The following ANKRD18B variants were observed in gnomAD, a reference collection of about 807,000 sequenced individuals.
ANKRD18B encodes the protein ankyrin repeat domain-containing protein 18B.
ANKRD18B carries 75 observed loss-of-function variants against 111.8 expected under a neutral mutation model. The observed-to-expected ratio is 0.67, with a 90% confidence interval of 0.56 to 0.81. ANKRD18B has a LOEUF of 0.81. ANKRD18B is among the 40% of genes least tolerant of loss of function. ANKRD18B has a pLI of 0.00. For missense variants in ANKRD18B, 1,038 were observed against 1,225.5 expected, an observed-to-expected ratio of 0.85 and a Z score of 2.28; for synonymous variants, 356 against 417.3, an observed-to-expected ratio of 0.85 and a Z score of 1.79.
chr9:33,563,817 A>T (rs945915796), intron 14 of ANKRD18B, among the ~76,000 whole-genome samples: 3 of 152,046 alleles, frequency 2.0e-5, no homozygotes, highest in Non-Finnish European at 1.5e-5. Flanking sequence ...GCTTTTTAAA[A>T]ATATTCAATA....
At chr9:33,553,715 G>C (rs911728544) in intron 12 of ANKRD18B, among the ~76,000 whole-genome samples, 1 of 152,136 alleles carries the variant, frequency 6.6e-6, no homozygotes, top group African/African-American at 2.4e-5. Context: ...CTATGGAAAA[G>C]GAAATTCTTT....
intron 8 of ANKRD18B, among the ~76,000 whole-genome samples, chr9:33,540,466 G>C (rs886268979): frequency 6.6e-6 from 1 of 152,228 alleles, no homozygotes; most frequent in African/African-American, 2.4e-5. Context: ...TTGAAGCTGA[G>C]GAGGGGTATT....
chr9:33,548,519 T>C lies in ANKRD18B; in HGVS notation c.1731T>C (p.Ser577=), dbSNP rs753633700. The C allele has an allele frequency of 2.6e-6, 4 of 1,551,014 alleles. No individual in the cohort carries two copies. In the South Asian group the frequency reaches 3.6e-5, roughly 14 times the overall value. ...GGGAAAAGACATTGGCTTTAGAAAG[T>C]GTACAGCTGGACCTAAAGCAAGCGC... ...ALREKTLALE[S]VQLDLKQAQH... is the part of the protein sequence containing the mutation. The change falls in exon 11 of 19, where the codon AGT becomes AGC. Residue 577 remains serine, a synonymous_variant. Transcript: ENST00000684830.
At chr9:33,573,178 A>C (rs1828808650), downstream of ANKRD18B, 8 of 985,320 alleles carry the variant, frequency 8.1e-6, no homozygotes, top group Non-Finnish European at 9.6e-6. Flanking sequence ...CCCTAGAATG[A>C]GTAATTTTTC....
intron 14 of ANKRD18B, among the ~76,000 whole-genome samples, chr9:33,562,424 C>T (rs1052694927): frequency 5.9e-5 from 9 of 152,014 alleles, no homozygotes; most frequent in African/African-American, 2.2e-4. Flanking sequence ...TCAGAAACCA[C>T]GGTTTCTGTA....
rs180756744 is a variant in ANKRD18B, at chr9:33,531,305, G to A, written c.495+2132G>A. Among the ~76,000 whole-genome samples, 1,134 of 152,068 alleles carry A rather than the reference G, an allele frequency of 7.5e-3. 13 individuals are homozygous for A. The highest frequency in any genetic ancestry group is 0.025 in the African/African-American group (1,057 of 41,474). ...GCCTGAGTTTTTTTATTAAACATAC[G>A]ATACTAGACAGAGAAAAAGTTCCAC... On this transcript the variant is annotated intron_variant, in intron 3 of 18. Coordinates refer to ENST00000684830, the MANE Select transcript of ANKRD18B (RefSeq NM_001393611.1).
intron 10 of ANKRD18B, among the ~76,000 whole-genome samples, chr9:33,547,307 G>A (rs1428987124): frequency 4.6e-5 from 7 of 152,074 alleles, no homozygotes; most frequent in African/African-American, 7.2e-5. Flanking sequence ...TTTTTAACCT[G>A]TCTTTTTTAA....
intron 14 of ANKRD18B, among the ~76,000 whole-genome samples, chr9:33,564,618 A>C (rs1008736868): frequency 6.6e-6 from 1 of 152,182 alleles, no homozygotes; most frequent in Non-Finnish European, 1.5e-5. Context: ...AGAAAACTTC[A>C]TATTGTTTTC....
chr9:33,568,353 A>G (rs1425476618), intron 16 of ANKRD18B, among the ~76,000 whole-genome samples: 1 of 152,208 alleles, frequency 6.6e-6, no homozygotes, highest in East Asian at 1.9e-4. Flanking sequence ...GAATCTTTAG[A>G]ATCTTATAAG....
Position 33,550,727 on chromosome 9 carries a change from G to A in ANKRD18B, c.2217+148G>A, listed in dbSNP as rs138395596. On this transcript the variant is annotated intron_variant, in intron 12 of 18. Coordinates refer to ENST00000684830, the MANE Select transcript of ANKRD18B (RefSeq NM_001393611.1). The stretch of plus-strand genomic sequence containing the variant: ...ATTACCATTTTATTATCTTTATAAC[G>A]TACTTCTTCAACTCTGGCTCTTGTT... The A allele has an allele frequency of 7.7e-4, 664 of 862,694 alleles. 2 individuals are homozygous for A. In the African/African-American group the frequency reaches 1.0e-2, roughly 13 times the overall value. The allele number at this position is 862,694 out of a possible 1,614,324, so 53.4% of individuals were successfully genotyped here.
At chr9:33,554,735 T>C (rs1171085738) in intron 12 of ANKRD18B, among the ~76,000 whole-genome samples, 2 of 152,028 alleles carry the variant, frequency 1.3e-5, no homozygotes, top group African/African-American at 4.8e-5. Flanking sequence ...CTTTATCGAG[T>C]GTACTCAGAC....
At chr9:33,551,095 G>T (rs562905218) in intron 12 of ANKRD18B, among the ~76,000 whole-genome samples, 5 of 152,304 alleles carry the variant, frequency 3.3e-5, no homozygotes, top group African/African-American at 1.2e-4. Context: ...TACTTGAAAA[G>T]TTAGGCATTG....
downstream of ANKRD18B, among the ~76,000 whole-genome samples, chr9:33,575,277 C>G (rs1164389249): frequency 1.3e-5 from 2 of 152,222 alleles, no homozygotes; most frequent in African/African-American, 4.8e-5. Context: ...GATGCAGGTC[C>G]AGAGACAACC....
intron 15 of ANKRD18B, chr9:33,566,877 A>T: frequency 2.0e-6 from 1 of 493,520 alleles, no homozygotes; most frequent in Non-Finnish European, 3.5e-6. Context: ...ATAGGACCAG[A>T]TTACATTAAT....
chr9:33,558,285 T>C (rs1828556546), intron 14 of ANKRD18B, 98 bp downstream of exon 14: 2 of 1,351,310 alleles, frequency 1.5e-6, no homozygotes, highest in Non-Finnish European at 2.0e-6. Context: ...GATGGTTTGC[T>C]GCACGTATCA....
chr9:33,528,834 T>C lies in ANKRD18B; in HGVS notation c.314T>C (p.Leu105Ser). The C allele has an allele frequency of 6.2e-7, 1 of 1,605,736 alleles. No individual in the cohort carries two copies. Among genetic ancestry groups the C allele is most frequent in the Non-Finnish European group, 8.5e-7 (1 of 1,175,590 alleles). The change falls in exon 2 of 19, where the codon TTA becomes TCA. Residue 105 changes from leucine (L) to serine (S), a missense_variant. By Grantham distance (145) the Leu-to-Ser change is moderately radical. This residue lies in a region of ANKRD18B where 216 missense variants were observed against 205.1 expected (regional missense o/e 1.05). Coordinates refer to ENST00000684830, the MANE Select transcript of ANKRD18B (RefSeq NM_001393611.1). The stretch of plus-strand genomic sequence containing the variant: ...TGTGACAGACTAAACAGGACACCTT[T>C]AATGAAGGTATATAGTAGCCAACTC... ...NICDRLNRTP[L>S]MKAVHCQEEA...
intron 11 of ANKRD18B, among the ~76,000 whole-genome samples, chr9:33,549,983 G>A (rs572700954): frequency 4.9e-4 from 74 of 152,244 alleles, no homozygotes; most frequent in African/African-American, 1.8e-3. Flanking sequence ...AGACTAATGA[G>A]GGGTGGCAGA....
At chr9:33,542,357 A>T (rs1828291446) in intron 9 of ANKRD18B, among the ~76,000 whole-genome samples, 1 of 144,778 alleles carries the variant, frequency 6.9e-6, no homozygotes, top group South Asian at 2.3e-4. Context: ...GACTTCACAT[A>T]GAATTTTGAG....
In ANKRD18B at chr9:33,541,525, C is replaced by T. The variant is rs150626836; in HGVS notation, c.1078+298C>T. On this transcript the variant is annotated intron_variant, in intron 9 of 18. Transcript: ENST00000684830. ...CAGCAGCCTGGGCAACATCGCCAGA[C>T]CTCGTGACTATTTTGCAAAAACTGT... 8.1e-3 allele frequency among the ~76,000 whole-genome samples: 1,237 copies of T among 152,272 alleles called. 14 individuals carry two copies. Among genetic ancestry groups the T allele is most frequent in the African/African-American group, 0.028 (1,158 of 41,568 alleles).
Sources: gnomAD v4.1 joint callset for allele counts (sites outside exome capture counted in the v4.1 genomes callset) on GRCh38, gnomAD v4.1.1 for gene constraint, gnomAD v4.1.1 regional missense constraint, MANE v1.5 for transcripts, NCBI Gene and HGNC (gene_info 2026-07-23, HGNC 2026-07-21) for gene names.